Variants in FUT8 observed in about 807,000 individuals in gnomAD.
FUT8 encodes alpha-(1,6)-fucosyltransferase.
A neutral mutation model predicts 71.3 loss-of-function variants in FUT8; 29 were observed. That is an observed-to-expected ratio of 0.41 (90% CI 0.30 to 0.55). The LOEUF is 0.55. FUT8 is among the 20% of genes least tolerant of loss of function. The pLI is 0.34. For synonymous variants in FUT8, 254 were observed against 239.3 expected (o/e 1.06, Z -0.57); for missense variants, 544 against 702.1 (o/e 0.77, Z 2.55).
At position 65,607,654 on chromosome 14, in the gene FUT8, A is replaced by C. The variant is rs915875243; in HGVS notation, c.204-8324A>C. On this transcript the variant is annotated intron_variant, in intron 3 of 10. Coordinates refer to ENST00000673929, the MANE Select transcript of FUT8 (RefSeq NM_001371533.1). This position sits in a 1 kb window ranked among gnomAD's most constrained non-coding sequence, Gnocchi z 4.1. ...TTTAATTTCTTTGTTATCCTTGTCT[A>C]CTTCTATATCAATCTTATACTAATC... is the stretch of plus-strand genomic sequence containing the variant. Among the ~76,000 whole-genome samples, 12 of 151,806 alleles carry C rather than the reference A, an allele frequency of 7.9e-5. No homozygotes were observed. Among genetic ancestry groups the C allele is most frequent in the Non-Finnish European group, 1.6e-4 (11 of 67,902 alleles).
At chr14:65,396,556 A>G in the FUT8 span, among the ~76,000 whole-genome samples, 1 of 152,206 alleles carries the variant, frequency 6.6e-6, no homozygotes, top group Non-Finnish European at 1.5e-5. This position sits in a 1 kb window ranked among gnomAD's most constrained non-coding sequence, Gnocchi z 5.5. Flanking sequence ...AACCACCTTC[A>G]TGATTCAATT....
chr14:65,679,099 G>A (rs1444516826), intron 7 of FUT8, among the ~76,000 whole-genome samples: 1 of 152,166 alleles, frequency 6.6e-6, no homozygotes, highest in African/African-American at 2.4e-5. Flanking sequence ...TGATGAAAGA[G>A]TAAATCACCG....
chr14:65,514,559 T>C (rs1882579832), intron 2 of FUT8, among the ~76,000 whole-genome samples: 1 of 152,244 alleles, frequency 6.6e-6, no homozygotes, highest in Admixed American at 6.5e-5. Context: ...AAAGTCCATC[T>C]TATCTATCAT....
intron 2 of FUT8, among the ~76,000 whole-genome samples, chr14:65,530,426 C>T (rs141368209): frequency 2.0e-5 from 3 of 152,216 alleles, no homozygotes; most frequent in African/African-American, 4.8e-5. Context: ...GGGTAATTCT[C>T]GATCCTATTA....
At chr14:65,578,713 C>T (rs1429089709) in intron 3 of FUT8, among the ~76,000 whole-genome samples, 2 of 152,080 alleles carry the variant, frequency 1.3e-5, no homozygotes, top group African/African-American at 4.8e-5. Context: ...GTTTGGAGAT[C>T]AGTATTCTAG....
At chr14:65,378,837 G>GTTTTTTTTTTTT in the FUT8 span, among the ~76,000 whole-genome samples, 6 of 66,850 alleles carry the variant, frequency 9.0e-5, 2 homozygotes, top group East Asian at 1.2e-3. Context: ...TCACAAGAAG[G>GTTTTTTTTTTTT]TTTTTTTTTT....
At chr14:65,507,818 A>C (rs1261700601) in intron 2 of FUT8, among the ~76,000 whole-genome samples, 1 of 152,212 alleles carries the variant, frequency 6.6e-6, no homozygotes, top group Non-Finnish European at 1.5e-5. Flanking sequence ...CTATATACCT[A>C]GCAGTGGGAT....
intron 5 of FUT8, among the ~76,000 whole-genome samples, chr14:65,618,880 A>G (rs534139631): frequency 2.1e-4 from 32 of 152,190 alleles, no homozygotes; most frequent in African/African-American, 5.3e-4. Context: ...CTTGGGCTCT[A>G]TTAGGGTTTT....
rs2066554750 is a variant in FUT8 at position 65,496,100 on chromosome 14, GAGGAAATA to G, written c.-228+40385_-228+40392del. Among the ~76,000 whole-genome samples the G allele has an allele frequency of 2.6e-5, 4 of 152,142 alleles. No individual in the cohort carries two copies. In the South Asian group the frequency reaches 8.3e-4, roughly 31 times the overall value. On this transcript the variant is annotated intron_variant, in intron 2 of 10. Coordinates refer to ENST00000673929, the MANE Select transcript of FUT8 (RefSeq NM_001371533.1). ...ACTAATTATGTTTATATTTTGAGGG[GAGGAAATA>G]AGTCTCTTAGTTGGCCCCCTTGAGG...
intron 1 of FUT8, among the ~76,000 whole-genome samples, chr14:65,432,378 AT>A (rs1405931193): frequency 7.2e-6 from 1 of 139,702 alleles, no homozygotes; most frequent in Non-Finnish European, 1.6e-5. Flanking sequence ...TTTAAAATGT[AT>A]TTTTTCTACT....
intron 1 of FUT8, among the ~76,000 whole-genome samples, chr14:65,428,203 T>C (rs2065417869): frequency 6.6e-6 from 1 of 152,230 alleles, no homozygotes; most frequent in African/African-American, 2.4e-5. Context: ...ACATTAACTC[T>C]TCCTCTTAAA....
At chr14:65,575,013 A>G (rs200815226) in intron 3 of FUT8, among the ~76,000 whole-genome samples, 12 of 152,060 alleles carry the variant, frequency 7.9e-5, no homozygotes, top group East Asian at 1.9e-4. Flanking sequence ...ATTCTTTTCT[A>G]TGAAATGTTT....
At chr14:65,609,145 A>AT (rs1302983820) in intron 3 of FUT8, among the ~76,000 whole-genome samples, 1 of 151,726 alleles carries the variant, frequency 6.6e-6, no homozygotes, top group African/African-American at 2.4e-5. Flanking sequence ...AAATATAAAA[A>AT]TTAGCCGGGT....
At chr14:65,726,362 C>T (rs763510846) in intron 9 of FUT8, among the ~76,000 whole-genome samples, 1 of 152,176 alleles carries the variant, frequency 6.6e-6, no homozygotes, top group Non-Finnish European at 1.5e-5. Context: ...GATAGACATA[C>T]CCCAGACTGG....
At chr14:65,375,234 G>A in the FUT8 span, among the ~76,000 whole-genome samples, 27 of 152,152 alleles carry the variant, frequency 1.8e-4, 1 homozygote, top group East Asian at 5.0e-3. Flanking sequence ...TCATATCATC[G>A]TAATTAAACT....
intron 3 of FUT8, among the ~76,000 whole-genome samples, chr14:65,583,858 C>G (rs1195959869): frequency 6.6e-6 from 1 of 152,032 alleles, no homozygotes; most frequent in South Asian, 2.1e-4. Flanking sequence ...ATTAAAATAT[C>G]CGAATTAGCC....
At chr14:65,636,613 T>C (rs1406229045) in intron 6 of FUT8, 3 of 152,226 alleles carry the variant, frequency 2.0e-5, no homozygotes, top group Non-Finnish European at 4.4e-5. Flanking sequence ...CAGTGATCAT[T>C]CAGGAGCAGG....
chr14:65,634,083 A>C (rs1566865605), intron 6 of FUT8, among the ~76,000 whole-genome samples: 1 of 152,200 alleles, frequency 6.6e-6, no homozygotes, highest in Non-Finnish European at 1.5e-5. Context: ...CTCATTGAGA[A>C]CGGGCCATGA....
chr14:65,575,705 A>G (rs1594781972), intron 3 of FUT8, among the ~76,000 whole-genome samples: 1 of 144,032 alleles, frequency 6.9e-6, no homozygotes, highest in Non-Finnish European at 1.5e-5. Context: ...TGCAACCTCC[A>G]CCTCCCGGGT....
Sources: gnomAD v4.1 joint callset for allele counts (sites outside exome capture counted in the v4.1 genomes callset) on GRCh38, gnomAD v4.1.1 for gene constraint, Gnocchi (gnomAD v3.1) non-coding constraint, MANE v1.5 for transcripts, NCBI Gene and HGNC (gene_info 2026-07-23, HGNC 2026-07-21) for gene names.